VRK1: variants seen among roughly 807,000 people sequenced by gnomAD.
VRK1 encodes the protein VRK serine/threonine kinase 1.
VRK1 carries 33 observed loss-of-function variants against 57.1 expected under a neutral mutation model. The ratio of observed to expected loss-of-function variants is 0.58; its 90% CI spans 0.44 to 0.77. The LOEUF (loss-of-function observed/expected upper bound fraction) is 0.77, where lower values mean the gene tolerates loss of function less well. VRK1 is among the 30% of genes least tolerant of loss of function. VRK1 has a pLI of 0.00. For missense variants in VRK1, 413 were observed against 477.3 expected (o/e 0.87, Z 1.25); for synonymous variants, 137 against 147.8 (o/e 0.93, Z 0.53).
intron 3 of VRK1, among the ~76,000 whole-genome samples, chr14:96,844,464 G>A (rs1219131464): frequency 6.6e-6 from 1 of 152,202 alleles, no homozygotes; most frequent in African/African-American, 2.4e-5. Flanking sequence ...AAGTGTTAAT[G>A]TGTGTTGCCC....
intron 11 of VRK1, among the ~76,000 whole-genome samples, chr14:96,867,757 G>C (rs1400154591): frequency 6.6e-6 from 1 of 152,050 alleles, no homozygotes; most frequent in African/African-American, 2.4e-5. Flanking sequence ...GTATAGATCT[G>C]TGGGCTTCTT....
In VRK1 at chr14:96,812,341, A is replaced by T. The variant is rs1566685814; in HGVS notation, c.-6+14894A>T. Among the ~76,000 whole-genome samples the T allele has an allele frequency of 2.0e-5, 3 of 152,158 alleles. No homozygotes were observed. In the East Asian group the frequency reaches 5.8e-4, roughly 29 times the overall value. On this transcript the variant is annotated intron_variant, in intron 1 of 12. Transcript: ENST00000216639. ...TTTAGGGACTACCAAACTTTCCCAA[A>T]GTGGCTGTATTGTTTTATATTCTTA...
chr14:96,821,554 A>G (rs1886598115), intron 1 of VRK1, among the ~76,000 whole-genome samples: 4 of 152,220 alleles, frequency 2.6e-5, no homozygotes, highest in Admixed American at 2.6e-4. Flanking sequence ...TATTCAGTAA[A>G]GATAAATGCA....
At chr14:96,879,488 T>A (rs1889167881) in intron 12 of VRK1, among the ~76,000 whole-genome samples, 1 of 152,150 alleles carries the variant, frequency 6.6e-6, no homozygotes, top group Non-Finnish European at 1.5e-5. Context: ...TAGTTGTTAA[T>A]TTAGTGTTCT....
chr14:96,814,523 C>T (rs1046525744), intron 1 of VRK1, among the ~76,000 whole-genome samples: 6 of 152,054 alleles, frequency 3.9e-5, no homozygotes, highest in Admixed American at 2.0e-4. Context: ...TTAATACATG[C>T]ACACAATAAT....
chr14:96,817,396 TTTTTA>T (rs1455879954), intron 1 of VRK1, among the ~76,000 whole-genome samples: 3 of 152,152 alleles, frequency 2.0e-5, no homozygotes, highest in African/African-American at 7.2e-5. Flanking sequence ...AGAATTTCTA[TTTTTA>T]TTTTGTTAAA....
At chr14:96,826,191 T>C (rs1175335301) in intron 1 of VRK1, among the ~76,000 whole-genome samples, 1 of 152,216 alleles carries the variant, frequency 6.6e-6, no homozygotes, top group Non-Finnish European at 1.5e-5. Context: ...GCAGAACTTT[T>C]TTTGGAATGT....
chr14:96,808,014 C>CCTCTCTCCCTCTCTCCGTCTCTCT (rs1566683580), intron 1 of VRK1, among the ~76,000 whole-genome samples: 1 of 73,960 alleles, frequency 1.4e-5, no homozygotes, highest in African/African-American at 6.1e-5. Flanking sequence ...TCTCTCTCTC[C>CCTCTCTCCCTCTCTCCGTCTCTCT]CTCTGTGTGT....
At chr14:96,813,461 A>G (rs951744713) in intron 1 of VRK1, among the ~76,000 whole-genome samples, 64 of 152,264 alleles carry the variant, frequency 4.2e-4, no homozygotes, top group African/African-American at 1.5e-3. Context: ...TTATTTTCTT[A>G]GCTTTTTTCA....
At chr14:96,863,594 G>A (rs974697627) in intron 11 of VRK1, among the ~76,000 whole-genome samples, 3 of 152,252 alleles carry the variant, frequency 2.0e-5, no homozygotes, top group Non-Finnish European at 4.4e-5. Flanking sequence ...GTTGAGTAAG[G>A]TCTAGATCAT....
chr14:96,801,480 T>C (rs1402791773), intron 1 of VRK1, among the ~76,000 whole-genome samples: 1 of 152,198 alleles, frequency 6.6e-6, no homozygotes, highest in East Asian at 1.9e-4. Context: ...TAGAGTTGCT[T>C]TTTTCACATC....
chr14:96,872,638 C>T lies in VRK1; in HGVS notation c.1069-3392C>T, dbSNP rs1300759337. Among the ~76,000 whole-genome samples, 7 of 152,200 alleles carry T rather than the reference C, an allele frequency of 4.6e-5. No individual in the cohort carries two copies. In the East Asian group the frequency reaches 9.6e-4, roughly 21 times the overall value. ...CAATAAGAATAAAGAGCTCTGAGTT[C>T]TAGTCTTTTCATCACCATCAGCTGA... On this transcript the variant is annotated intron_variant, in intron 11 of 12. Transcript: ENST00000216639.
chr14:96,853,749 A>T (rs1163403443), intron 7 of VRK1, among the ~76,000 whole-genome samples: 1 of 152,034 alleles, frequency 6.6e-6, no homozygotes, highest in Non-Finnish European at 1.5e-5. Context: ...AGTTTAGTTG[A>T]AGTAGAGGGA....
chr14:96,874,872 CA>C (rs1888964304), intron 11 of VRK1, among the ~76,000 whole-genome samples: 1 of 152,334 alleles, frequency 6.6e-6, no homozygotes, highest in East Asian at 1.9e-4. Flanking sequence ...AATGTGCTGT[CA>C]GCAGGCATTA....
chr14:96,810,355 G>C (rs1056674872), intron 1 of VRK1, among the ~76,000 whole-genome samples: 25 of 152,050 alleles, frequency 1.6e-4, no homozygotes, highest in African/African-American at 5.8e-4. Flanking sequence ...TCCTTTACGG[G>C]TAGTGTTTTT....
At chr14:96,870,197 A>G (rs540512651) in intron 11 of VRK1, among the ~76,000 whole-genome samples, 2 of 152,258 alleles carry the variant, frequency 1.3e-5, no homozygotes, top group South Asian at 4.1e-4. Context: ...CCTGTGAAAT[A>G]TATTTGTTCA....
chr14:96,797,908 G>T (rs1885502927), intron 1 of VRK1, among the ~76,000 whole-genome samples: 1 of 152,252 alleles, frequency 6.6e-6, no homozygotes, highest in African/African-American at 2.4e-5. Flanking sequence ...ATACGGAAAT[G>T]CTTTCTTAGA....
At chr14:96,873,896 A>G (rs1888924657) in intron 11 of VRK1, among the ~76,000 whole-genome samples, 1 of 152,216 alleles carries the variant, frequency 6.6e-6, no homozygotes, top group Non-Finnish European at 1.5e-5. Context: ...TGAAGTGTGG[A>G]TTAATGCAGT....
chr14:96,847,199 A>T (rs910599005), intron 4 of VRK1, 58 bp from the exon 5 acceptor site: 17 of 1,450,704 alleles, frequency 1.2e-5, no homozygotes, highest in Admixed American at 3.5e-5. Context: ...ATGATTTTTT[A>T]AAAAATTATC....
Sources: gnomAD v4.1 joint callset for allele counts (sites outside exome capture counted in the v4.1 genomes callset) on GRCh38, gnomAD v4.1.1 for gene constraint, MANE v1.5 for transcripts, NCBI Gene and HGNC (gene_info 2026-07-23, HGNC 2026-07-21) for gene names.